Variants in MAP4K3 observed in about 807,000 individuals in gnomAD.
MAP4K3 encodes the protein MAPK/ERK kinase kinase kinase 3.
A neutral mutation model predicts 143.5 loss-of-function variants in MAP4K3; 94 were observed. That is an observed-to-expected ratio of 0.65 (90% CI 0.55 to 0.78). MAP4K3 has a LOEUF of 0.78. Among genes scored for constraint, MAP4K3 ranks in the 30% least tolerant of loss-of-function variants. The pLI is 0.00. For synonymous variants in MAP4K3, 416 were observed against 347.2 expected, an observed-to-expected ratio of 1.20 and a Z score of -2.20; for missense variants, 1,077 against 1,068.1, an observed-to-expected ratio of 1.01 and a Z score of -0.12.
chr2:39,425,165 A>G (rs1665028801), intron 1 of MAP4K3, among the ~76,000 whole-genome samples: 1 of 151,188 alleles, frequency 6.6e-6, no homozygotes, highest in Non-Finnish European at 1.5e-5. Flanking sequence ...AGATTCTTAC[A>G]GAAAAAAAGT....
At chr2:39,325,864 C>G (rs762423046) in intron 10 of MAP4K3, 35 bp downstream of exon 10, 3 of 1,559,748 alleles carry the variant, frequency 1.9e-6, no homozygotes, top group Admixed American at 1.8e-5. Context: ...TTTTGCTCAT[C>G]TCACCATAAA....
intron 32 of MAP4K3, among the ~76,000 whole-genome samples, chr2:39,253,209 G>A (rs1452403897): frequency 1.3e-5 from 2 of 152,126 alleles, no homozygotes; most frequent in African/African-American, 2.4e-5. Context: ...TTGGCTCACT[G>A]GAACCTCCGC....
chr2:39,369,193 G>GTTTTTTTGTTTTTTTTTTTT (rs747293878), intron 2 of MAP4K3, among the ~76,000 whole-genome samples: 1 of 37,978 alleles, frequency 2.6e-5, no homozygotes, highest in African/African-American at 5.8e-5. Flanking sequence ...CTTTGGGCTA[G>GTTTTTTTGTTTTTTTTTTTT]TTTTTTTTTT....
chr2:39,434,208 T>C (rs553282676), intron 1 of MAP4K3, among the ~76,000 whole-genome samples: 10 of 152,342 alleles, frequency 6.6e-5, no homozygotes, highest in East Asian at 1.9e-4. Context: ...AAATTATATA[T>C]ATTGGCTTTT....
intron 16 of MAP4K3, chr2:39,293,829 G>C (rs1299396823): frequency 2.0e-5 from 3 of 153,222 alleles, no homozygotes; most frequent in Non-Finnish European, 4.4e-5. Context: ...TTTCACGGAA[G>C]ACACTCACTT....
intron 4 of MAP4K3, among the ~76,000 whole-genome samples, chr2:39,339,141 A>C (rs1200848576): frequency 1.3e-5 from 2 of 152,238 alleles, no homozygotes; most frequent in African/African-American, 2.4e-5. Context: ...ACAGATTTGT[A>C]AACATGTTTA....
At chr2:39,326,323 T>C in intron 8 of MAP4K3, 46 bp from the exon 9 acceptor site, 1 of 1,591,808 alleles carries the variant, frequency 6.3e-7, no homozygotes, top group Non-Finnish European at 8.6e-7. Flanking sequence ...TTATATGTTT[T>C]CCTTTATACT....
intron 1 of MAP4K3, among the ~76,000 whole-genome samples, chr2:39,403,805 G>A (rs374020348): frequency 1.3e-5 from 2 of 150,802 alleles, no homozygotes; most frequent in Admixed American, 1.3e-4. Flanking sequence ...CCCAGCTAGT[G>A]ACTCTAAAAA....
intron 28 of MAP4K3, among the ~76,000 whole-genome samples, chr2:39,261,909 G>T (rs56361338): frequency 0.048 from 7,223 of 151,950 alleles, 291 homozygotes; most frequent in African/African-American, 0.1. Flanking sequence ...GAGAAAAAAG[G>T]AAGAACTTTC....
chr2:39,306,280 T>C (rs752737116), intron 15 of MAP4K3, among the ~76,000 whole-genome samples: 3 of 152,270 alleles, frequency 2.0e-5, no homozygotes, highest in Non-Finnish European at 4.4e-5. Flanking sequence ...CTAGCCTACG[T>C]GTGTAATTCT....
At chr2:39,346,196 A>G (rs772287275) in intron 3 of MAP4K3, among the ~76,000 whole-genome samples, 3 of 152,204 alleles carry the variant, frequency 2.0e-5, no homozygotes, top group East Asian at 1.9e-4. Flanking sequence ...GAATGTAACC[A>G]CTATCTCCTT....
rs1401718601 is a variant in MAP4K3, at chr2:39,437,250, G to A, written c.-263C>T. 7.3e-6 allele frequency: 2 copies of A among 275,612 alleles called. No individual in the cohort carries two copies. Among genetic ancestry groups the A allele is most frequent in the East Asian group, 1.3e-4 (2 of 15,414 alleles). 17.1% of individuals were successfully genotyped at this position (275,612 alleles called of 1,614,324 possible). On this transcript the variant is annotated 5_prime_UTR_variant, in exon 1 of 34. Coordinates refer to ENST00000263881, the MANE Select transcript of MAP4K3 (RefSeq NM_003618.4). The stretch of plus-strand genomic sequence containing the variant: ...CCACAAGGAGAGGAGAACCCTCGCA[G>A]CCCCTCGCTCGGGGTGAAACTCCAA...
intron 2 of MAP4K3, among the ~76,000 whole-genome samples, chr2:39,364,931 C>G (rs903384926): frequency 4.0e-5 from 6 of 151,630 alleles, no homozygotes; most frequent in African/African-American, 1.5e-4. Flanking sequence ...GATGAAGCCT[C>G]CAGGTAGCAG....
At chr2:39,387,526 AACT>A (rs1666538255) in intron 1 of MAP4K3, among the ~76,000 whole-genome samples, 1 of 152,240 alleles carries the variant, frequency 6.6e-6, no homozygotes, top group African/African-American at 2.4e-5. Flanking sequence ...AAATGTTTGA[AACT>A]GGAAATACTG....
At chr2:39,422,666 G>A (rs569004821) in intron 1 of MAP4K3, among the ~76,000 whole-genome samples, 1 of 152,280 alleles carries the variant, frequency 6.6e-6, no homozygotes, top group Admixed American at 6.5e-5. Context: ...ATGGGAAAAG[G>A]ACGGTCTTTT....
chr2:39,257,016 T>C (rs868398863), intron 31 of MAP4K3, among the ~76,000 whole-genome samples: 1 of 152,246 alleles, frequency 6.6e-6, no homozygotes, highest in Non-Finnish European at 1.5e-5. Flanking sequence ...CTTGATCAGA[T>C]ATCCCTCGAA....
At position 39,421,367 on chromosome 2, in the gene MAP4K3, CATTT is replaced by C. The variant is rs1313509022; in HGVS notation, c.96+15521_96+15524del. On this transcript the variant is annotated intron_variant, in intron 1 of 33. Coordinates refer to ENST00000263881, the MANE Select transcript of MAP4K3 (RefSeq NM_003618.4). ...TACTTACTAGATTTATTGACTTGGGCATTTTTTTTTTTTTTTTTTTTTTTGTAGA... is the reference window on the plus strand; with the variant it reads ...TACTTACTAGATTTATTGACTTGGGCTTTTTTTTTTTTTTTTTTTTGTAGA... Among the ~76,000 whole-genome samples the C allele has an allele frequency of 1.2e-4, 13 of 105,624 alleles. No homozygotes were observed. In the East Asian group the frequency reaches 3.6e-3, roughly 29 times the overall value. The allele number at this position is 105,624 out of a possible 152,430, so 69.3% of individuals were successfully genotyped here. A position where few individuals can be genotyped will look rare whatever the true frequency, so the allele number is the denominator to read the frequency against.
At chr2:39,335,273 G>A (rs1431168229) in intron 6 of MAP4K3, among the ~76,000 whole-genome samples, 1 of 152,066 alleles carries the variant, frequency 6.6e-6, no homozygotes, top group Non-Finnish European at 1.5e-5. Context: ...GGTCCCTTTG[G>A]TCGCCAAGCA....
chr2:39,261,335 A>G (rs1409975841), intron 28 of MAP4K3, among the ~76,000 whole-genome samples: 1 of 152,264 alleles, frequency 6.6e-6, no homozygotes, highest in Non-Finnish European at 1.5e-5. Context: ...ATATGTTTAA[A>G]ATTTATATTG....
Sources: allele counts gnomAD v4.1 joint callset (sites outside exome capture counted in the v4.1 genomes callset), GRCh38; gene constraint gnomAD v4.1.1; transcripts MANE v1.5; gene names NCBI Gene and HGNC (gene_info 2026-07-23, HGNC 2026-07-21).